PCDH11X: variants seen among roughly 807,000 people sequenced by gnomAD.
The protein encoded by PCDH11X is protocadherin-11 X-linked.
A neutral mutation model predicts 53.3 loss-of-function variants in PCDH11X; 18 were observed. That is an observed-to-expected ratio of 0.34 (90% confidence interval 0.23 to 0.50). PCDH11X has a LOEUF of 0.50. Ranked by LOEUF, PCDH11X falls within the 20% of genes least tolerant of loss-of-function variation. The pLI, the probability that PCDH11X is intolerant of heterozygous loss-of-function variation, is 0.98. For synonymous variants in PCDH11X, 279 were observed against 393.3 expected (o/e 0.71, Z 3.44); for missense variants, 570 against 1,032.4 (o/e 0.55, Z 6.14).
At chrX:92,527,232 T>G (rs1379681735) in intron 10 of PCDH11X, among the ~76,000 whole-genome samples, 1 of 111,343 alleles carries the variant, frequency 9.0e-6, no homozygotes. Context: ...TAATCAATAA[T>G]AACTTAATTG....
chrX:92,031,003 G>A (rs763060211), intron 6 of PCDH11X, among the ~76,000 whole-genome samples: 1 of 110,292 alleles, frequency 9.1e-6, no homozygotes, highest in South Asian at 3.9e-4. Flanking sequence ...TATATATGCA[G>A]CAGTGGGATG....
intron 8 of PCDH11X, among the ~76,000 whole-genome samples, chrX:92,372,806 A>G (rs1264586300): frequency 3.7e-5 from 4 of 108,140 alleles, no homozygotes; most frequent in Non-Finnish European, 7.7e-5. Context: ...CAAAAACTAT[A>G]TTATTAATAG....
intron 9 of PCDH11X, among the ~76,000 whole-genome samples, chrX:92,403,666 A>G (rs980818398): frequency 2.2e-4 from 24 of 111,113 alleles, no homozygotes; most frequent in African/African-American, 7.5e-4. Context: ...GGGAAAGTCC[A>G]TAAACTTTCT....
chrX:92,105,633 T>G (rs1235444117), intron 6 of PCDH11X, among the ~76,000 whole-genome samples: 4 of 75,872 alleles, frequency 5.3e-5, no homozygotes, highest in African/African-American at 1.6e-4. Flanking sequence ...CGGGTAGGAG[T>G]GGGGGTCGCA....
intron 6 of PCDH11X, among the ~76,000 whole-genome samples, chrX:92,035,320 G>A (rs1025112299): frequency 2.0e-4 from 22 of 111,461 alleles, no homozygotes; most frequent in Non-Finnish European, 7.5e-5. Context: ...CTTGTAGCAC[G>A]TATCTGGTGT....
chrX:92,263,694 A>G (rs62598535), intron 8 of PCDH11X, among the ~76,000 whole-genome samples: 6,526 of 111,888 alleles, frequency 0.058, 239 homozygotes, highest in East Asian at 0.23. Context: ...GGTTTTTGCC[A>G]TTAAAAGTTA....
chrX:92,024,718 C>CAAAAAAAAAAAAAAAAAAAAAAAA (rs199917287), intron 6 of PCDH11X, among the ~76,000 whole-genome samples: 1 of 54,673 alleles, frequency 1.8e-5, no homozygotes. Context: ...CAATCCTAAG[C>CAAAAAAAAAAAAAAAAAAAAAAAA]AAAAAAAAAA....
intron 6 of PCDH11X, among the ~76,000 whole-genome samples, chrX:92,046,529 GTTGT>G (rs1467098477): frequency 9.0e-6 from 1 of 110,977 alleles, no homozygotes; most frequent in African/African-American, 3.3e-5. Context: ...AAAAACATGT[GTTGT>G]TTGTTTTACA....
At chrX:92,429,572 G>A (rs1200644150) in intron 9 of PCDH11X, among the ~76,000 whole-genome samples, 2 of 105,186 alleles carry the variant, frequency 1.9e-5, no homozygotes, top group African/African-American at 6.9e-5. Flanking sequence ...GGCCCTTCTC[G>A]TAGTATGCTG....
intron 7 of PCDH11X, among the ~76,000 whole-genome samples, chrX:92,248,434 AT>A (rs1324049694): frequency 9.0e-6 from 1 of 110,850 alleles, no homozygotes; most frequent in African/African-American, 3.3e-5. Context: ...ATGTTATTTT[AT>A]TTTTTTCTTT....
At chrX:92,134,345 G>A (rs2065047809) in intron 6 of PCDH11X, among the ~76,000 whole-genome samples, 3 of 110,758 alleles carry the variant, frequency 2.7e-5, no homozygotes, top group East Asian at 5.8e-4. Flanking sequence ...AGGCAGGTTT[G>A]CCTGATGCAG....
At chrX:92,117,509 A>T (rs2064665342) in intron 6 of PCDH11X, among the ~76,000 whole-genome samples, 1 of 110,944 alleles carries the variant, frequency 9.0e-6, no homozygotes, top group African/African-American at 3.3e-5. Flanking sequence ...TAACAAAGGG[A>T]TCTGTATATA....
chrX:92,265,606 C>A (rs534229064), intron 8 of PCDH11X, among the ~76,000 whole-genome samples: 1 of 111,143 alleles, frequency 9.0e-6, no homozygotes, highest in Admixed American at 9.6e-5. Context: ...TATAGGTATG[C>A]GTACATATAT....
intron 6 of PCDH11X, among the ~76,000 whole-genome samples, chrX:92,045,083 C>G (rs937831072): frequency 1.0e-5 from 1 of 96,246 alleles, no homozygotes; most frequent in East Asian, 4.3e-4. Context: ...TGATCATGCT[C>G]TTTCTAAAAT....
rs1472165585 is a variant in PCDH11X at position 92,125,378 on chromosome X, T to C, written c.3034-75997T>C. Among the ~76,000 whole-genome samples, 3 of 111,335 alleles carry C rather than the reference T, an allele frequency of 2.7e-5. No homozygotes were observed. The East Asian group carries it at 8.5e-4, about 32-fold the overall frequency. ...CCATATCCAAACACAAATGGGAGAG[T>C]TTTGTTTGTCATTGTTACACAAGGT... is the stretch of plus-strand genomic sequence containing the variant. On this transcript the variant is annotated intron_variant, in intron 6 of 10. Coordinates refer to ENST00000682573, the MANE Select transcript of PCDH11X (RefSeq NM_032968.5).
chrX:92,093,651 C>T (rs1602890693), intron 6 of PCDH11X, among the ~76,000 whole-genome samples: 1 of 111,383 alleles, frequency 9.0e-6, no homozygotes, highest in Non-Finnish European at 1.9e-5. Context: ...TTCATCTATG[C>T]ATGCTCAGCC....
chrX:92,225,168 T>A (rs1387457631), intron 7 of PCDH11X, among the ~76,000 whole-genome samples: 2 of 111,590 alleles, frequency 1.8e-5, no homozygotes, highest in Non-Finnish European at 3.8e-5. Context: ...TTAGCTCTTC[T>A]AAGGCAATAT....
rs866807744 is a variant in PCDH11X at position 92,575,909 on chromosome X, A to G, written c.3368-42355A>G. 6.7e-4 allele frequency among the ~76,000 whole-genome samples: 9 copies of G among 13,446 alleles called. No homozygotes were observed. In the East Asian group the frequency reaches 0.064, roughly 95 times the overall value. 11.7% of individuals were successfully genotyped at this position (13,446 alleles called of 115,157 possible). ...ATTTTGTAGGTTACCTGGTGTGTAT[A>G]TATATATATATATATATATATATAT... On this transcript the variant is annotated intron_variant, in intron 10 of 10. Transcript: ENST00000682573.
chrX:92,015,441 C>T (rs371319300), intron 6 of PCDH11X, among the ~76,000 whole-genome samples: 1 of 112,586 alleles, frequency 8.9e-6, no homozygotes, highest in Admixed American at 9.4e-5. Flanking sequence ...GTGTTACCCA[C>T]AGCAAAACTT....
Sources: allele counts gnomAD v4.1 joint callset (sites outside exome capture counted in the v4.1 genomes callset), GRCh38; gene constraint gnomAD v4.1.1; transcripts MANE v1.5; gene names NCBI Gene and HGNC (gene_info 2026-07-23, HGNC 2026-07-21).